The following TULP4 variants were observed in gnomAD, a reference collection of about 807,000 sequenced individuals.
TULP4 encodes TUB like protein 4, also known as tubby-related protein 4.
TULP4 carries 16 observed loss-of-function variants against 129.0 expected under a neutral mutation model. That is an observed-to-expected ratio of 0.12 (90% CI 0.08 to 0.19). The LOEUF is 0.19. TULP4 is among the 10% of genes least tolerant of loss of function. TULP4 has a pLI of 1.00. For missense variants in TULP4, 1,842 were observed against 2,059.1 expected (o/e 0.89, Z 2.04); for synonymous variants, 998 against 854.0 (o/e 1.17, Z -2.94).
chr6:158,427,470 C>CTTTTTTTTTTTTTTTTTTTTT (rs1251385882), intron 2 of TULP4, among the ~76,000 whole-genome samples: 1 of 100,676 alleles, frequency 9.9e-6, no homozygotes, highest in Non-Finnish European at 1.9e-5. Context: ...AATTATCAGA[C>CTTTTTTTTTTTTTTTTTTTTT]CTTTTTTTTT....
chr6:158,454,018 A>AACCC (rs1554293007), intron 5 of TULP4, among the ~76,000 whole-genome samples: 1 of 114,622 alleles, frequency 8.7e-6, no homozygotes, highest in Non-Finnish European at 1.8e-5. Context: ...CTGCCTCTGC[A>AACCC]CCGCCCCCCC....
At chr6:158,486,599 G>A (rs1780076787) in intron 8 of TULP4, among the ~76,000 whole-genome samples, 1 of 151,998 alleles carries the variant, frequency 6.6e-6, no homozygotes, top group Admixed American at 6.5e-5. Flanking sequence ...CATACACTGA[G>A]TAGAGGCCAC....
intron 5 of TULP4, among the ~76,000 whole-genome samples, chr6:158,459,616 G>T (rs1196041565): frequency 6.6e-6 from 1 of 151,842 alleles, no homozygotes; most frequent in Non-Finnish European, 1.5e-5. Context: ...TTTCTGTTGG[G>T]GAAAGCCACC....
chr6:158,257,197 C>G lies in TULP4; in HGVS notation n.68+24894C>G, dbSNP rs564504962. Among the ~76,000 whole-genome samples, 357 of 152,194 alleles carry G rather than the reference C, an allele frequency of 2.3e-3. 1 individual carries two copies. Among genetic ancestry groups the G allele is most frequent in the Non-Finnish European group, 4.1e-3 (277 of 68,012 alleles). ...TACTTTGTTTGACAACCCCTGCCCCCTCTCCCTCCCAAAAAACAAAAAGCC... is the reference window on the plus strand; with the variant it reads ...TACTTTGTTTGACAACCCCTGCCCCGTCTCCCTCCCAAAAAACAAAAAGCC... On this transcript the variant is annotated intron_variant and non_coding_transcript_variant, in intron 1 of 1. Transcript: ENST00000620026.
At chr6:158,369,274 G>A (rs1398459336) in intron 1 of TULP4, among the ~76,000 whole-genome samples, 1 of 151,988 alleles carries the variant, frequency 6.6e-6, no homozygotes, top group South Asian at 2.1e-4. Context: ...TGGGAGGATC[G>A]CTTGAGCCTA....
At position 158,506,518 on chromosome 6, in the gene TULP4, A is replaced by G. The variant is rs191647371; in HGVS notation, c.4516-60A>G. On this transcript the variant is annotated intron_variant, in intron 13 of 13. Transcript: ENST00000367097. ...AGTGCTGGGACTACAGGCGTGAGCC[A>G]CTGCGCCTGGCCTTTTCACCTTATT... is the stretch of plus-strand genomic sequence containing the variant. 1.9e-3 allele frequency: 2,185 copies of G among 1,153,488 alleles called. 27 individuals carry two copies. In the African/African-American group the frequency reaches 0.028, roughly 15 times the overall value. 71.5% of individuals were successfully genotyped at this position (1,153,488 alleles called of 1,614,324 possible).
chr6:158,485,255 A>C (rs1404202310), intron 8 of TULP4, among the ~76,000 whole-genome samples: 1 of 152,254 alleles, frequency 6.6e-6, no homozygotes, highest in East Asian at 1.9e-4. Context: ...AGTAAAATGC[A>C]AAAGGAGAAA....
intron 1 of TULP4, among the ~76,000 whole-genome samples, chr6:158,304,833 A>C (rs941537983): frequency 1.3e-5 from 2 of 151,586 alleles, no homozygotes; most frequent in Middle Eastern, 6.3e-3. Context: ...TGTCTGGCTG[A>C]TTTTTTTATT....
chr6:158,424,140 G>C (rs1230737092), intron 2 of TULP4, among the ~76,000 whole-genome samples: 1 of 152,092 alleles, frequency 6.6e-6, no homozygotes. Context: ...TCATCCCTTG[G>C]TATCCATAGC....
intron 6 of TULP4, among the ~76,000 whole-genome samples, chr6:158,465,547 T>G (rs1374092874): frequency 6.6e-6 from 1 of 152,178 alleles, no homozygotes; most frequent in Non-Finnish European, 1.5e-5. Flanking sequence ...GTAATTCTAT[T>G]TTTAATTTTG....
chr6:158,337,710 CCAAT>C (rs1282365042), intron 1 of TULP4, among the ~76,000 whole-genome samples: 4 of 152,126 alleles, frequency 2.6e-5, no homozygotes, highest in Non-Finnish European at 4.4e-5. Context: ...GCACTGGATA[CCAAT>C]CAATCGACTT....
chr6:158,330,143 T>C (rs1232663692), intron 1 of TULP4, among the ~76,000 whole-genome samples: 1 of 152,234 alleles, frequency 6.6e-6, no homozygotes, highest in Admixed American at 6.5e-5. Flanking sequence ...ATACTCTTTT[T>C]TTTATACTAA....
intron 1 of TULP4, among the ~76,000 whole-genome samples, chr6:158,363,363 C>A (rs1287006539): frequency 6.6e-6 from 1 of 152,196 alleles, no homozygotes; most frequent in Non-Finnish European, 1.5e-5. Flanking sequence ...ACTGTTACAT[C>A]TTTGAGGGTT....
At chr6:158,464,453 T>C (rs903151615) in intron 6 of TULP4, among the ~76,000 whole-genome samples, 1 of 151,986 alleles carries the variant, frequency 6.6e-6, no homozygotes, top group African/African-American at 2.4e-5. Context: ...GGTAAGGGGG[T>C]TGTGGAAGCC....
chr6:158,466,654 T>A (rs1177510071), intron 6 of TULP4, among the ~76,000 whole-genome samples: 1 of 152,180 alleles, frequency 6.6e-6, no homozygotes, highest in Non-Finnish European at 1.5e-5. Context: ...AGCCAAGATA[T>A]TTTGAGGAGC....
At chr6:158,243,849 TGTG>T (rs1777973964) in intron 1 of TULP4, among the ~76,000 whole-genome samples, 1 of 42,116 alleles carries the variant, frequency 2.4e-5, no homozygotes, top group South Asian at 9.1e-4. Context: ...CTGAAATAGG[TGTG>T]TGTGTGTGTG....
chr6:158,312,333 A>G (rs1779374186), upstream of TULP4: 2 of 390,462 alleles, frequency 5.1e-6, no homozygotes, highest in East Asian at 3.6e-5. Flanking sequence ...CCAGTTTTCC[A>G]TATGGTCTGC....
Position 158,331,688 on chromosome 6 carries a change from GACACACACACACAC to G in TULP4, c.252+17448_252+17461del, listed in dbSNP as rs146753041. On this transcript the variant is annotated intron_variant, in intron 1 of 13. Coordinates refer to ENST00000367097, the MANE Select transcript of TULP4 (RefSeq NM_020245.5). ...TCTTTGCTGCTGGACTCGTTCAACA[GACACACACACACAC>G]ACACACACACACACACACACACACA... Among the ~76,000 whole-genome samples the G allele has an allele frequency of 3.0e-4, 13 of 43,298 alleles. 1 individual carries two copies. Among genetic ancestry groups the G allele is most frequent in the East Asian group, 2.4e-3 (3 of 1,268 alleles). 28.4% of individuals were successfully genotyped at this position (43,298 alleles called of 152,430 possible).
At chr6:158,434,431 A>G (rs1236832202) in intron 3 of TULP4, among the ~76,000 whole-genome samples, 1 of 152,220 alleles carries the variant, frequency 6.6e-6, no homozygotes, top group Non-Finnish European at 1.5e-5. Context: ...AAATATAAGT[A>G]TGACTGGGAA....
Sources: allele counts gnomAD v4.1 joint callset (sites outside exome capture counted in the v4.1 genomes callset), GRCh38; gene constraint gnomAD v4.1.1; transcripts MANE v1.5; gene names NCBI Gene and HGNC (gene_info 2026-07-23, HGNC 2026-07-21).